The following PRDM8 variants were observed in gnomAD, a reference collection of about 807,000 sequenced individuals.
PRDM8 encodes the protein PR/SET domain 8.
In PRDM8, 13 loss-of-function variants were observed where a neutral mutation model predicts 46.5. The observed-to-expected ratio is 0.28, with a 90% CI of 0.18 to 0.44. The LOEUF is 0.44. Ranked by LOEUF, PRDM8 falls within the 20% of genes least tolerant of loss-of-function variation. The pLI is 1.00. For synonymous variants in PRDM8, 473 were observed against 438.4 expected, an observed-to-expected ratio of 1.08 and a Z score of -0.98; for missense variants, 998 against 955.0, an observed-to-expected ratio of 1.04 and a Z score of -0.59.
intron 1 of PRDM8, among the ~76,000 whole-genome samples, chr4:80,187,895 C>T (rs1737244284): frequency 6.6e-6 from 1 of 152,196 alleles, no homozygotes; most frequent in African/African-American, 2.4e-5. Context: ...GTCTCCATTC[C>T]CATTTCAGAC....
At chr4:80,199,440 G>C (rs143150650) in intron 1 of PRDM8, among the ~76,000 whole-genome samples, 2 of 152,224 alleles carry the variant, frequency 1.3e-5, no homozygotes, top group South Asian at 4.1e-4. Context: ...GCAGACATAC[G>C]TCCCTTCTTG....
chr4:80,201,389 A>G lies in PRDM8; in HGVS notation c.319A>G (p.Ile107Val). Residue 107 changes from isoleucine to valine, a missense_variant, in exon 3 of 4, where the codon ATA becomes GTA. By Grantham distance (29) the Ile-to-Val change is conservative (BLOSUM62 3). Transcript: ENST00000415738. ...GGAAGAGCAGAACCTTGAAGCCTAC[A>G]TAAAAAACGGACAGCTGTTCTACCG... ...DKEEQNLEAY[I>V]KNGQLFYRSL... The G allele has an allele frequency of 6.2e-7, 1 of 1,614,248 alleles. No homozygotes were observed. The highest frequency in any genetic ancestry group is 8.5e-7 in the Non-Finnish European group (1 of 1,180,048).
chr4:80,192,213 A>C (rs1169252550), intron 2 of PRDM8, among the ~76,000 whole-genome samples: 1 of 152,172 alleles, frequency 6.6e-6, no homozygotes, highest in Non-Finnish European at 1.5e-5. Context: ...TACCTCAGAA[A>C]GCTAACTGGG....
chr4:80,200,917 GCTTT>G (rs1230897568), intron 2 of PRDM8, among the ~76,000 whole-genome samples: 3 of 152,228 alleles, frequency 2.0e-5, no homozygotes, highest in East Asian at 3.9e-4. Flanking sequence ...ATCTAAGCTT[GCTTT>G]ATTTCTGAAA....
intron 1 of PRDM8, chr4:80,191,438 G>A (rs1359415929): frequency 1.4e-5 from 2 of 146,510 alleles, no homozygotes; most frequent in African/African-American, 5.3e-5. Flanking sequence ...CTTAAAAGGA[G>A]ATTATGAATA....
chr4:80,200,407 T>A, intron 2 of PRDM8, 108 bp downstream of exon 2: 2 of 940,774 alleles, frequency 2.1e-6, no homozygotes, highest in South Asian at 3.3e-5. Context: ...TGTGGAAAAA[T>A]GCAATAATGC....
upstream of PRDM8, among the ~76,000 whole-genome samples, chr4:80,192,601 C>T (rs1737636347): frequency 1.3e-5 from 2 of 152,162 alleles, no homozygotes; most frequent in South Asian, 2.1e-4. Flanking sequence ...CACTGAGATG[C>T]GTTCAAAGGG....
At chr4:80,196,711 A>T (rs1737986337), upstream of PRDM8, 2 of 911,746 alleles carry the variant, frequency 2.2e-6, no homozygotes, top group African/African-American at 1.8e-5. Flanking sequence ...CACCAAGCAG[A>T]GGGGGGGAAA....
At position 80,197,648 on chromosome 4, in the gene PRDM8, C is replaced by G; in HGVS notation, c.-118C>G. The G allele has an allele frequency of 1.0e-6, 1 of 983,544 alleles. No homozygotes were observed. Among genetic ancestry groups the G allele is most frequent in the Non-Finnish European group, 1.2e-6 (1 of 828,198 alleles). 60.9% of individuals were successfully genotyped at this position (983,544 alleles called of 1,614,324 possible). On this transcript the variant is annotated 5_prime_UTR_variant, in exon 1 of 4. Transcript: ENST00000415738. Reference sequence around the variant, plus strand: ...AGGAAGAGCCTAAAAGGCGGCAACACCAACACCTCTTGACATGGAAATACA... The same window carrying G: ...AGGAAGAGCCTAAAAGGCGGCAACAGCAACACCTCTTGACATGGAAATACA...
intron 1 of PRDM8, among the ~76,000 whole-genome samples, chr4:80,199,009 T>G (rs891444930): frequency 5.2e-4 from 69 of 131,624 alleles, no homozygotes; most frequent in Non-Finnish European, 9.9e-4. Flanking sequence ...TTTTTTTTTT[T>G]TTTTTTTTTA....
upstream of PRDM8, chr4:80,195,924 C>CAGAGAGAGAGAGAGAGAG (rs1409411847): frequency 1.7e-5 from 3 of 174,478 alleles, no homozygotes; most frequent in Non-Finnish European, 2.6e-5. Context: ...CACACACACA[C>CAGAGAGAGAGAGAGAGAG]ACACAGAGAG....
chr4:80,187,367 AAAAGAAT>A lies in PRDM8; in HGVS notation c.-983+1850_-983+1856del, dbSNP rs1463850171. 7.9e-5 allele frequency among the ~76,000 whole-genome samples: 12 copies of A among 152,228 alleles called. No homozygotes were observed. The East Asian group carries it at 9.6e-4, about 12-fold the overall frequency. On this transcript the variant is annotated intron_variant, in intron 1 of 9. Transcript: ENST00000339711. ...TTATTTTATTATCTATGAAGAACAG[AAAAGAAT>A]GCTAAGAGCTCCCATTTGAAGTCAG... is the stretch of plus-strand genomic sequence containing the variant.
At chr4:80,192,974 A>G (rs545105391), upstream of PRDM8, among the ~76,000 whole-genome samples, 23 of 152,382 alleles carry the variant, frequency 1.5e-4, 1 homozygote, top group South Asian at 4.3e-3. Context: ...ACACAAGTGT[A>G]AGTAAAACTT....
At chr4:80,189,190 G>A (rs1737353685) in intron 1 of PRDM8, among the ~76,000 whole-genome samples, 2 of 152,226 alleles carry the variant, frequency 1.3e-5, no homozygotes, top group African/African-American at 4.8e-5. Flanking sequence ...CCGCGGCGCT[G>A]GAGTTTACCA....
At chr4:80,189,239 C>T (rs1368866635) in intron 1 of PRDM8, among the ~76,000 whole-genome samples, 2 of 152,198 alleles carry the variant, frequency 1.3e-5, no homozygotes, top group East Asian at 3.9e-4. Flanking sequence ...CGGAGTCGCC[C>T]GGATCAGCCT....
At chr4:80,185,898 G>A (rs780978287) in intron 1 of PRDM8, among the ~76,000 whole-genome samples, 44 of 152,160 alleles carry the variant, frequency 2.9e-4, no homozygotes, top group Non-Finnish European at 3.1e-4. Flanking sequence ...TGGAGGGTCG[G>A]GCCAATAAAT....
intron 1 of PRDM8, chr4:80,185,568 T>A (rs1450802240): frequency 6.6e-6 from 1 of 152,244 alleles, no homozygotes; most frequent in Non-Finnish European, 1.5e-5. Flanking sequence ...AAGGGCCTCA[T>A]GCACAGAGTG....
In PRDM8 at chr4:80,202,992, G is replaced by T. The variant is rs750341856; in HGVS notation, c.1530G>T (p.Gln510His). The part of the protein sequence containing the change: ...AFSQPARSFS[Q>H]LSPLVLGQKL... ...CGCAGCCAGCACGCTCTTTCTCGCA[G>T]CTGTCCCCGCTGGTGCTGGGCCAGA... The change falls in exon 4 of 4, where the codon CAG (glutamine) becomes CAT (histidine). Residue 510 changes from glutamine (Q) to histidine (H), a missense_variant. Coordinates refer to ENST00000415738, the MANE Select transcript of PRDM8 (RefSeq NM_001099403.2). 18 of 1,512,564 alleles carry T rather than the reference G, an allele frequency of 1.2e-5. No individual in the cohort carries two copies. The Admixed American group carries it at 3.5e-4, about 29-fold the overall frequency. 93.7% of individuals were successfully genotyped at this position (1,512,564 alleles called of 1,614,324 possible). A position where few individuals can be genotyped will look rare whatever the true frequency, so the allele number is the denominator to read the frequency against.
rs1294174953 is a variant in PRDM8, at chr4:80,201,992, G to C, written c.530G>C (p.Arg177Pro). Residue 177 changes from arginine (R) to proline (P), a missense_variant, in exon 4 of 4, where the codon CGC becomes CCC. By Grantham distance (103) the Arg-to-Pro change is moderately radical. Coordinates refer to ENST00000415738, the MANE Select transcript of PRDM8 (RefSeq NM_001099403.2). ...EFPYVAHLRF[R>P]CPKRLHSADI... ...CCCTATGTGGCGCATCTGCGTTTCC[G>C]CTGCCCCAAGAGACTTCACAGCGCT... The C allele has an allele frequency of 6.2e-7, 1 of 1,613,954 alleles. No homozygotes were observed. The highest frequency in any genetic ancestry group is 1.3e-5 in the African/African-American group (1 of 74,858).
Sources: allele counts gnomAD v4.1 joint callset (sites outside exome capture counted in the v4.1 genomes callset), GRCh38; gene constraint gnomAD v4.1.1; transcripts MANE v1.5; gene names NCBI Gene and HGNC (gene_info 2026-07-23, HGNC 2026-07-21).